SLC7A8: variants seen among roughly 807,000 people sequenced by gnomAD.
The protein encoded by SLC7A8 is large neutral amino acids transporter small subunit 2.
Under a neutral mutation model 51.2 loss-of-function variants are expected in SLC7A8, and 30 were observed. That is an observed-to-expected ratio of 0.59 (90% CI 0.44 to 0.80). The LOEUF (loss-of-function observed/expected upper bound fraction) is 0.80, where lower values mean the gene tolerates loss of function less well. SLC7A8 is among the 30% of genes least tolerant of loss of function. The pLI is 0.00. For missense variants in SLC7A8, 612 were observed against 674.4 expected, an observed-to-expected ratio of 0.91 and a Z score of 1.03; for synonymous variants, 257 against 275.8, an observed-to-expected ratio of 0.93 and a Z score of 0.67.
intron 1 of SLC7A8, among the ~76,000 whole-genome samples, chr14:23,181,990 T>C (rs575222457): frequency 6.6e-6 from 1 of 152,356 alleles, no homozygotes; most frequent in African/African-American, 2.4e-5. Context: ...ACCTCCCAGC[T>C]AGGACACATA....
At chr14:23,161,670 G>A (rs1196955766) in intron 3 of SLC7A8, among the ~76,000 whole-genome samples, 2 of 152,126 alleles carry the variant, frequency 1.3e-5, no homozygotes, top group East Asian at 1.9e-4. Context: ...CCAGTCGGGC[G>A]CAGTGGCCTC....
chr14:23,153,382 G>A (rs766965253), intron 3 of SLC7A8, among the ~76,000 whole-genome samples: 1 of 152,086 alleles, frequency 6.6e-6, no homozygotes, highest in African/African-American at 2.4e-5. Flanking sequence ...CCTCTGCCCC[G>A]CCTTCCTTCA....
chr14:23,155,296 C>T, intron 3 of SLC7A8: 1 of 1,536,014 alleles, frequency 6.5e-7, no homozygotes, highest in Non-Finnish European at 8.7e-7. Flanking sequence ...GCTGTGAGTG[C>T]TCCTGGAGGC....
intron 1 of SLC7A8, among the ~76,000 whole-genome samples, chr14:23,176,928 C>A (rs1158228297): frequency 1.5e-4 from 17 of 111,048 alleles, no homozygotes; most frequent in Non-Finnish European, 2.4e-4. Flanking sequence ...GGCGACAGAG[C>A]AAGACTCTGT....
chr14:23,151,812 C>T (rs61134795), intron 3 of SLC7A8, among the ~76,000 whole-genome samples: 9,911 of 150,720 alleles, frequency 0.066, 658 homozygotes, highest in African/African-American at 0.17. Context: ...ACCTGTAATC[C>T]CAGCACTTTG....
rs142046212 is a variant in SLC7A8 at position 23,140,559 on chromosome 14, C to T, written c.700G>A (p.Val234Ile). ...ENFQEPDIGL[V>I]ALAFLQGSFA... is the part of the protein sequence containing the mutation. Reference sequence around the variant, plus strand: ...GAGCCCTGAAGGAAAGCCAGTGCGACGAGGCCGATGTCAGGTTCCTGGAAA... The same window carrying T: ...GAGCCCTGAAGGAAAGCCAGTGCGATGAGGCCGATGTCAGGTTCCTGGAAA... Residue 234 changes from valine (V) to isoleucine (I), a missense_variant, in exon 5 of 11, where the codon GTC becomes ATC. Val to Ile is a conservative substitution (Grantham distance 29). Transcript: ENST00000316902. 30 of 1,614,014 alleles carry T rather than the reference C, an allele frequency of 1.9e-5. No individual in the cohort carries two copies. The East Asian group carries it at 2.0e-4, about 11-fold the overall frequency.
At chr14:23,145,623 G>A (rs1214388823) in intron 3 of SLC7A8, among the ~76,000 whole-genome samples, 1 of 151,738 alleles carries the variant, frequency 6.6e-6, no homozygotes, top group Non-Finnish European at 1.5e-5. Flanking sequence ...ATTGGCGCCT[G>A]CAAATAGTAG....
At chr14:23,138,462 G>C (rs1276022505) in intron 6 of SLC7A8, among the ~76,000 whole-genome samples, 1 of 152,116 alleles carries the variant, frequency 6.6e-6, no homozygotes, top group Non-Finnish European at 1.5e-5. Context: ...GGCAGATCCA[G>C]GCTCAAATCC....
In SLC7A8 at chr14:23,137,974, A is replaced by G. The variant is rs2048706401; in HGVS notation, c.963T>C (p.Ser321=). ...LGVMAWIMPI[S]VALSTFGGVN... ...CTCCTCCAAATGTGGACAGGGCAAC[A>G]GAAATGGGCATGATCCAGGCCATGA... The change falls in exon 7 of 11, where the codon TCT becomes TCC. Residue 321 remains serine, a synonymous_variant. Transcript: ENST00000316902. The G allele has an allele frequency of 1.2e-6, 2 of 1,613,852 alleles. No homozygotes were observed. Among genetic ancestry groups the G allele is most frequent in the Non-Finnish European group, 1.7e-6 (2 of 1,180,014 alleles).
At chr14:23,140,421 G>C (rs370665342) in intron 5 of SLC7A8, 50 bp downstream of exon 5, 2 of 1,547,590 alleles carry the variant, frequency 1.3e-6, no homozygotes, top group South Asian at 2.4e-5. Context: ...CCAGCAGCAG[G>C]TGCTGTGGCC....
At chr14:23,152,034 C>T (rs372827947) in intron 3 of SLC7A8, among the ~76,000 whole-genome samples, 22 of 152,056 alleles carry the variant, frequency 1.4e-4, no homozygotes, top group African/African-American at 5.1e-4. Context: ...AGAGATTCCA[C>T]CTCAAACAAA....
chr14:23,131,353 CAGACTGCA>C lies in SLC7A8; in HGVS notation c.1113+100_1113+107del, dbSNP rs1445807273. On this transcript the variant is annotated intron_variant, in intron 8 of 10. Coordinates refer to ENST00000316902, the MANE Select transcript of SLC7A8 (RefSeq NM_012244.4). The stretch of plus-strand genomic sequence containing the variant: ...TCTAAGATCCAGTGAGACCTAGCAG[CAGACTGCA>C]AGGGTAACAGGGGTGTGTGTGAAAA... 6 of 822,376 alleles carry C rather than the reference CAGACTGCA, an allele frequency of 7.3e-6. No homozygotes were observed. The East Asian group carries it at 1.7e-4, about 24-fold the overall frequency. 50.9% of individuals were successfully genotyped at this position (822,376 alleles called of 1,614,324 possible).
At chr14:23,167,020 G>A (rs2048953783) in intron 1 of SLC7A8, among the ~76,000 whole-genome samples, 1 of 152,200 alleles carries the variant, frequency 6.6e-6, no homozygotes, top group Admixed American at 6.5e-5. Flanking sequence ...GCCACTGGAA[G>A]GCTTCAAAAA....
intron 7 of SLC7A8, among the ~76,000 whole-genome samples, chr14:23,135,664 T>C (rs1471207133): frequency 2.0e-5 from 3 of 151,504 alleles, no homozygotes; most frequent in South Asian, 2.1e-4. Context: ...ATTGCGCCAC[T>C]GCACTCCAGC....
intron 6 of SLC7A8, among the ~76,000 whole-genome samples, chr14:23,138,823 C>T (rs2048714886): frequency 6.6e-6 from 1 of 152,172 alleles, no homozygotes; most frequent in Admixed American, 6.5e-5. Context: ...ATGGGAGGAC[C>T]TCTTTCTTTA....
intron 7 of SLC7A8, among the ~76,000 whole-genome samples, chr14:23,136,642 C>A (rs1196693409): frequency 6.6e-6 from 1 of 152,176 alleles, no homozygotes; most frequent in African/African-American, 2.4e-5. Context: ...TGAGGTCTGG[C>A]CTCTGAATCG....
chr14:23,139,693 G>C lies in SLC7A8; in HGVS notation c.789-146C>G. 4.0e-6 allele frequency: 4 copies of C among 991,676 alleles called. No homozygotes were observed. In the East Asian group the frequency reaches 1.1e-4, roughly 27 times the overall value. The allele number at this position is 991,676 out of a possible 1,614,324, so 61.4% of individuals were successfully genotyped here. On this transcript the variant is annotated intron_variant, in intron 5 of 10. Transcript: ENST00000316902. ...TTCCTTTCCCTGGGAGGTGGGCTTTGTCTCAATATGGGCAGGATAATTTAA... is the reference window on the plus strand; with the variant it reads ...TTCCTTTCCCTGGGAGGTGGGCTTTCTCTCAATATGGGCAGGATAATTTAA...
chr14:23,180,130 TCTC>T (rs1877105712), intron 1 of SLC7A8, among the ~76,000 whole-genome samples: 1 of 152,120 alleles, frequency 6.6e-6, no homozygotes, highest in African/African-American at 2.4e-5. Context: ...ATGGTCTTGA[TCTC>T]CTGACCTCGT....
At chr14:23,160,304 G>A (rs2048914459) in intron 3 of SLC7A8, among the ~76,000 whole-genome samples, 1 of 152,182 alleles carries the variant, frequency 6.6e-6, no homozygotes, top group Admixed American at 6.5e-5. Flanking sequence ...GGTGGGGGTG[G>A]CTCACAGCTG....
Sources: allele counts gnomAD v4.1 joint callset (sites outside exome capture counted in the v4.1 genomes callset), GRCh38; gene constraint gnomAD v4.1.1; transcripts MANE v1.5; gene names NCBI Gene and HGNC (gene_info 2026-07-23, HGNC 2026-07-21).